Variants in SHPRH observed in about 807,000 individuals in gnomAD.
The protein encoded by SHPRH is E3 ubiquitin-protein ligase SHPRH.
SHPRH carries 106 observed loss-of-function variants against 202.5 expected under a neutral mutation model. The observed-to-expected ratio is 0.52, with a 90% CI of 0.45 to 0.62. The LOEUF (loss-of-function observed/expected upper bound fraction) is 0.62. SHPRH is among the 20% of genes least tolerant of loss of function. SHPRH has a pLI of 0.00. For synonymous variants in SHPRH, 729 were observed against 686.0 expected, an observed-to-expected ratio of 1.06 and a Z score of -0.98; for missense variants, 1,710 against 2,020.0, an observed-to-expected ratio of 0.85 and a Z score of 2.94.
intron 2 of SHPRH, among the ~76,000 whole-genome samples, chr6:145,868,349 A>G (rs117460697): frequency 1.2e-3 from 185 of 152,340 alleles, no homozygotes; most frequent in Middle Eastern, 3.4e-3. Flanking sequence ...AATTCATCCC[A>G]TAATGCCAAG....
chr6:145,891,767 A>C (rs901524097), intron 28 of SHPRH, among the ~76,000 whole-genome samples: 2 of 152,196 alleles, frequency 1.3e-5, no homozygotes, highest in Non-Finnish European at 2.9e-5. Flanking sequence ...AAAGTAGAAA[A>C]AAACATATTG....
intron 25 of SHPRH, among the ~76,000 whole-genome samples, chr6:145,896,545 C>A (rs1365566743): frequency 6.6e-6 from 1 of 152,018 alleles, no homozygotes; most frequent in Non-Finnish European, 1.5e-5. Context: ...TTGCTTTTAT[C>A]AAAGACTGGC....
At chr6:145,910,737 T>C (rs1783419101) in intron 24 of SHPRH, 101 bp from the exon 25 acceptor site, 1 of 1,148,628 alleles carries the variant, frequency 8.7e-7, no homozygotes, top group Non-Finnish European at 1.2e-6. Context: ...AAAGATTTCA[T>C]AACATTAATA....
intron 9 of SHPRH, 152 bp from the exon 10 acceptor site, chr6:145,942,026 GT>G: frequency 1.1e-6 from 1 of 889,402 alleles, no homozygotes; most frequent in Non-Finnish European, 1.7e-6. Flanking sequence ...AGAAAGACAT[GT>G]TTTAGTGTGG....
intron 23 of SHPRH, chr6:145,917,429 T>G (rs1784053982): frequency 6.6e-6 from 1 of 152,172 alleles, no homozygotes; most frequent in African/African-American, 2.4e-5. Context: ...ATATCTATAA[T>G]GAATGTCTAA....
chr6:145,905,907 C>G (rs962864532), intron 25 of SHPRH: 1 of 152,046 alleles, frequency 6.6e-6, no homozygotes, highest in African/African-American at 2.4e-5. Context: ...TCTCCTTTCA[C>G]TCCTGGACCT....
chr6:145,918,084 TATG>T (rs1466340827), intron 23 of SHPRH, 44 bp downstream of exon 23: 1 of 1,455,606 alleles, frequency 6.9e-7, no homozygotes, highest in East Asian at 2.3e-5. Flanking sequence ...TAAAGTGGTT[TATG>T]ATAATGCAGC....
intron 3 of SHPRH, chr6:145,951,847 C>A: frequency 2.2e-6 from 1 of 456,018 alleles, no homozygotes; most frequent in Non-Finnish European, 4.4e-6. Flanking sequence ...ATGAGCTGCA[C>A]CAAGCCATCC....
Position 145,933,177 on chromosome 6 carries a change from T to C in SHPRH, c.2992A>G (p.Thr998Ala). ...RGEFLPLQKS[T>A]MTMEELLTSL... is the part of the protein sequence containing the mutation. ...GTCAGCAGCTCTTCCATTGTCATGG[T>C]GCTAAAAGAAAAGGTAGACTGTTCA... is the stretch of plus-strand genomic sequence containing the variant. Residue 998 changes from threonine (T) to alanine (A), a missense_variant and splice_region_variant, in exon 14 of 30, where the codon ACC becomes GCC. Around this residue, in one of 8 missense-constraint regions of SHPRH, gnomAD observed 23 missense variants for 36.7 expected, o/e 0.63. Transcript: ENST00000275233. 1 of 1,613,888 alleles carries C rather than the reference T, an allele frequency of 6.2e-7. No individual in the cohort carries two copies. The highest frequency in any genetic ancestry group is 8.5e-7 in the Non-Finnish European group (1 of 1,179,898).
chr6:145,860,222 C>A (rs1187728300), downstream of SHPRH, among the ~76,000 whole-genome samples: 1 of 151,856 alleles, frequency 6.6e-6, no homozygotes, highest in African/African-American at 2.4e-5. Flanking sequence ...TTATATCATG[C>A]ACATAACATG....
At chr6:145,963,073 A>C (rs1289006829) in intron 1 of SHPRH, among the ~76,000 whole-genome samples, 1 of 152,178 alleles carries the variant, frequency 6.6e-6, no homozygotes, top group African/African-American at 2.4e-5. Flanking sequence ...CTCAAAAGTA[A>C]ACTATTTTAT....
intron 2 of SHPRH, among the ~76,000 whole-genome samples, chr6:145,872,872 T>A (rs141404215): frequency 2.0e-5 from 3 of 152,332 alleles, no homozygotes; most frequent in Non-Finnish European, 4.4e-5. Context: ...AATCAGGTCA[T>A]GTGCTTCGCA....
intron 14 of SHPRH, among the ~76,000 whole-genome samples, chr6:145,930,240 A>G (rs1005833414): frequency 3.9e-5 from 6 of 152,274 alleles, no homozygotes; most frequent in South Asian, 4.1e-4. Flanking sequence ...GGCTTAATGT[A>G]AGAAGATTTA....
At chr6:145,889,131 T>C (rs1423934809) in intron 28 of SHPRH, among the ~76,000 whole-genome samples, 3 of 152,094 alleles carry the variant, frequency 2.0e-5, no homozygotes, top group Non-Finnish European at 4.4e-5. Context: ...GGACAGGAGC[T>C]ATATGGGCAT....
Position 145,935,179 on chromosome 6 carries a change from GAAA to G in SHPRH, c.2734-19_2734-17del, listed in dbSNP as rs200288193. ...GTATTTGGATCTGTGAAAAGGAGCAGAAAAAAAAAAAAAGATATCATCTAAAAA... is the reference window on the plus strand; with the variant it reads ...GTATTTGGATCTGTGAAAAGGAGCAGAAAAAAAAAAGATATCATCTAAAAA... On this transcript the variant is annotated splice_polypyrimidine_tract_variant and intron_variant, in intron 12 of 29. Coordinates refer to ENST00000275233, the MANE Select transcript of SHPRH (RefSeq NM_001042683.3). 6 of 1,324,302 alleles carry G rather than the reference GAAA, an allele frequency of 4.5e-6. No individual in the cohort carries two copies. Among genetic ancestry groups the G allele is most frequent in the Admixed American group, 2.3e-5 (1 of 44,266 alleles). 82.0% of individuals were successfully genotyped at this position (1,324,302 alleles called of 1,614,324 possible).
intron 25 of SHPRH, among the ~76,000 whole-genome samples, chr6:145,900,781 G>A (rs978759069): frequency 5.9e-5 from 9 of 152,042 alleles, no homozygotes; most frequent in African/African-American, 1.4e-4. Context: ...TGAATACAAT[G>A]TAAATCTTAC....
At chr6:145,890,982 A>G (rs918885029) in intron 28 of SHPRH, among the ~76,000 whole-genome samples, 13 of 151,238 alleles carry the variant, frequency 8.6e-5, no homozygotes, top group African/African-American at 3.0e-4. Flanking sequence ...CACCAGGATG[A>G]CTGCAATAGC....
At chr6:145,915,206 T>G (rs187186490) in intron 23 of SHPRH, among the ~76,000 whole-genome samples, 1 of 148,322 alleles carries the variant, frequency 6.7e-6, no homozygotes, top group African/African-American at 2.4e-5. Flanking sequence ...AAAATAAATT[T>G]TAATAAATTT....
chr6:145,876,979 C>G (rs1455992939), intron 2 of SHPRH: 1 of 152,128 alleles, frequency 6.6e-6, no homozygotes, highest in Non-Finnish European at 1.5e-5. Context: ...CTGCCAGGCT[C>G]CAAAACTGTA....
Sources: gnomAD v4.1 joint callset for allele counts (sites outside exome capture counted in the v4.1 genomes callset) on GRCh38, gnomAD v4.1.1 for gene constraint, gnomAD v4.1.1 regional missense constraint, MANE v1.5 for transcripts, NCBI Gene and HGNC (gene_info 2026-07-23, HGNC 2026-07-21) for gene names.